Variants in ADGRL3 observed in about 807,000 individuals in gnomAD.
ADGRL3 encodes adhesion G protein-coupled receptor L3.
In ADGRL3, 62 loss-of-function variants were observed where a neutral mutation model predicts 153.5. The observed-to-expected ratio is 0.40, with a 90% CI of 0.33 to 0.50. The LOEUF is 0.50. ADGRL3 is among the 20% of genes least tolerant of loss of function. The probability of loss-of-function intolerance (pLI) is 0.47; values close to 1 mark genes in which losing one functional copy is unlikely to be tolerated. For missense variants in ADGRL3, 1,641 were observed against 1,859.4 expected (o/e 0.88, Z 2.16); for synonymous variants, 710 against 672.5 (o/e 1.06, Z -0.86).
At chr4:61,961,660 G>A (rs1417503803) in intron 17 of ADGRL3, among the ~76,000 whole-genome samples, 1 of 151,126 alleles carries the variant, frequency 6.6e-6, no homozygotes, top group Non-Finnish European at 1.5e-5. Flanking sequence ...TGAAGTGCAG[G>A]GAGGAAAAAA....
chr4:61,872,178 T>A (rs1163496868), intron 9 of ADGRL3, among the ~76,000 whole-genome samples: 2 of 152,138 alleles, frequency 1.3e-5, no homozygotes, highest in Non-Finnish European at 2.9e-5. Context: ...CGCAAGTGGT[T>A]CTTAGTGGCT....
At chr4:61,262,364 C>A (rs2092583193) in intron 1 of ADGRL3, among the ~76,000 whole-genome samples, 1 of 152,084 alleles carries the variant, frequency 6.6e-6, no homozygotes, top group Non-Finnish European at 1.5e-5. Flanking sequence ...CACTAAAAGT[C>A]ACCCCTTTTC....
chr4:61,552,832 T>C (rs2098746494), intron 4 of ADGRL3, among the ~76,000 whole-genome samples: 1 of 152,150 alleles, frequency 6.6e-6, no homozygotes, highest in Admixed American at 6.5e-5. Context: ...ATATCTAAAA[T>C]TGCTTCCCTG....
chr4:61,998,039 G>A (rs1370296964), intron 20 of ADGRL3, 135 bp from the exon 21 acceptor site: 40 of 448,886 alleles, frequency 8.9e-5, no homozygotes, highest in Non-Finnish European at 1.2e-5. Flanking sequence ...ACACTAGGCA[G>A]TCATCTACGA....
chr4:61,859,952 T>G (rs2098323677), intron 9 of ADGRL3, among the ~76,000 whole-genome samples: 1 of 152,172 alleles, frequency 6.6e-6, no homozygotes, highest in African/African-American at 2.4e-5. Flanking sequence ...TTAACTGCTT[T>G]TAGGTTGACA....
chr4:61,866,810 C>G (rs1038940327), intron 9 of ADGRL3, among the ~76,000 whole-genome samples: 4 of 152,048 alleles, frequency 2.6e-5, no homozygotes, highest in Middle Eastern at 3.2e-3. Context: ...TGTTGTAATT[C>G]TATTTTAAGG....
chr4:61,812,589 CT>C (rs914735599), intron 8 of ADGRL3, among the ~76,000 whole-genome samples: 2 of 152,200 alleles, frequency 1.3e-5, no homozygotes, highest in Non-Finnish European at 2.9e-5. Flanking sequence ...GGGTCCTCCA[CT>C]CCCACTCAAA....
At chr4:61,515,424 C>T (rs955856053) in intron 3 of ADGRL3, among the ~76,000 whole-genome samples, 1 of 114,596 alleles carries the variant, frequency 8.7e-6, no homozygotes, top group African/African-American at 3.5e-5. Context: ...ATAGATTACT[C>T]ATATTTATAT....
At chr4:61,387,786 T>C (rs28414724) in intron 2 of ADGRL3, among the ~76,000 whole-genome samples, 119,679 of 151,906 alleles carry the variant, frequency 0.79, 47,453 homozygotes, top group Middle Eastern at 0.89. Flanking sequence ...ATTACAGGGT[T>C]CTGAGGCAAT....
chr4:61,475,868 A>G (rs750998667), intron 2 of ADGRL3, among the ~76,000 whole-genome samples: 108 of 144,588 alleles, frequency 7.5e-4, no homozygotes, highest in Admixed American at 4.4e-3. Context: ...TCATGTACTG[A>G]TGAACAAATA....
At chr4:62,001,900 C>G (rs962292334) in intron 21 of ADGRL3, among the ~76,000 whole-genome samples, 2 of 152,056 alleles carry the variant, frequency 1.3e-5, no homozygotes, top group Non-Finnish European at 2.9e-5. Flanking sequence ...CCACGTAAAG[C>G]CCTTTGGAAG....
chr4:61,214,716 G>A (rs769037557), intron 1 of ADGRL3, among the ~76,000 whole-genome samples: 1 of 152,102 alleles, frequency 6.6e-6, no homozygotes, highest in African/African-American at 2.4e-5. Context: ...CAGGAGAATC[G>A]CTTGAACCCA....
chr4:61,467,624 G>A (rs1374722767), intron 2 of ADGRL3, among the ~76,000 whole-genome samples: 1 of 152,094 alleles, frequency 6.6e-6, no homozygotes, highest in Non-Finnish European at 1.5e-5. Flanking sequence ...ACACTCTGAA[G>A]TGGATATGAT....
At chr4:61,349,805 G>T (rs532275899) in intron 1 of ADGRL3, among the ~76,000 whole-genome samples, 1 of 152,032 alleles carries the variant, frequency 6.6e-6, no homozygotes, top group Admixed American at 6.5e-5. Flanking sequence ...TTTATCCCTG[G>T]CTCCTAAAAT....
chr4:61,424,461 T>C (rs1364520855), intron 2 of ADGRL3, among the ~76,000 whole-genome samples: 1 of 152,112 alleles, frequency 6.6e-6, no homozygotes, highest in East Asian at 1.9e-4. Context: ...AATATCCCTG[T>C]TACGCTCCCC....
chr4:61,601,224 G>A (rs540202888), intron 5 of ADGRL3, among the ~76,000 whole-genome samples: 11 of 152,234 alleles, frequency 7.2e-5, no homozygotes, highest in Admixed American at 3.9e-4. Context: ...TCTTGTAGGC[G>A]AATTTCAATA....
intron 1 of ADGRL3, among the ~76,000 whole-genome samples, chr4:61,290,100 G>T (rs185984571): frequency 6.6e-6 from 1 of 152,176 alleles, no homozygotes; most frequent in East Asian, 1.9e-4. Flanking sequence ...GTCTTTGTGT[G>T]TCCACTAGCT....
At chr4:61,449,736 T>C (rs1560652364) in intron 2 of ADGRL3, among the ~76,000 whole-genome samples, 1 of 152,136 alleles carries the variant, frequency 6.6e-6, no homozygotes. Context: ...ATTCTTTAGG[T>C]AAAGTTGTTT....
intron 5 of ADGRL3, among the ~76,000 whole-genome samples, chr4:61,602,859 T>C (rs1158712589): frequency 6.6e-6 from 1 of 152,194 alleles, no homozygotes; most frequent in Non-Finnish European, 1.5e-5. Context: ...AGGGATATTA[T>C]TAGTTTCTCA....
Sources: allele counts gnomAD v4.1 joint callset (sites outside exome capture counted in the v4.1 genomes callset), GRCh38; gene constraint gnomAD v4.1.1; transcripts MANE v1.5; gene names NCBI Gene and HGNC (gene_info 2026-07-23, HGNC 2026-07-21).